The following S100A9 variants were observed in gnomAD, a reference collection of about 807,000 sequenced individuals.
The protein encoded by S100A9 is protein S100-A9.
S100A9 carries 2 observed loss-of-function variants against 4.3 expected under a neutral mutation model. That is an observed-to-expected ratio of 0.47 (90% CI 0.19 to 1.48). The LOEUF (loss-of-function observed/expected upper bound fraction) is 1.48, where lower values mean the gene tolerates loss of function less well. Ranked by LOEUF, S100A9 falls within the 40% of genes most tolerant of loss-of-function variation. The pLI is 0.24. For synonymous variants in S100A9, 67 were observed against 54.0 expected, an observed-to-expected ratio of 1.24 and a Z score of -1.06; for missense variants, 130 against 144.4, an observed-to-expected ratio of 0.90 and a Z score of 0.51.
rs772178503 is a variant in S100A9 at position 153,360,631 on chromosome 1, T to C, written c.151-13T>C. 1.6e-5 allele frequency: 26 copies of C among 1,587,178 alleles called. No individual in the cohort carries two copies. In the East Asian group the frequency reaches 5.4e-4, roughly 33 times the overall value. Reference sequence around the variant, plus strand: ...CACACCCAGCTCTCACAGCCTTCTCTCCCCACCCGCAGAAGGAGAATAAGA... The same window carrying C: ...CACACCCAGCTCTCACAGCCTTCTCCCCCCACCCGCAGAAGGAGAATAAGA... On this transcript the variant is annotated splice_polypyrimidine_tract_variant and intron_variant, in intron 2 of 2. Coordinates refer to ENST00000368738, the MANE Select transcript of S100A9 (RefSeq NM_002965.4).
chr1:153,360,463 G>C (rs192136275), intron 2 of S100A9, among the ~76,000 whole-genome samples, 181 bp from the exon 3 acceptor site: 98 of 152,256 alleles, frequency 6.4e-4, no homozygotes, highest in African/African-American at 1.7e-3. Context: ...ACTGGAGAGC[G>C]TTTGGTATGT....
intron 2 of S100A9, among the ~76,000 whole-genome samples, chr1:153,359,807 G>A (rs1292283124): frequency 6.7e-6 from 1 of 149,444 alleles, no homozygotes; most frequent in Non-Finnish European, 1.5e-5. Flanking sequence ...TCCTGCTTCA[G>A]CCTCCAGAAT....
rs1661441784 is a variant in S100A9, at chr1:153,360,971, C to T, written c.*133C>T. ...GGGCCCCGGGGCCTGTTATGTCAAA[C>T]TGTCTTGGCTGTGGGGCTAGGGGCT... On this transcript the variant is annotated 3_prime_UTR_variant, in exon 3 of 3. Coordinates refer to ENST00000368738, the MANE Select transcript of S100A9 (RefSeq NM_002965.4). The T allele has an allele frequency of 1.5e-6, 1 of 662,224 alleles. No individual in the cohort carries two copies. Among genetic ancestry groups the T allele is most frequent in the South Asian group, 2.0e-5 (1 of 50,690 alleles). The allele number at this position is 662,224 out of a possible 1,614,324, so 41.0% of individuals were successfully genotyped here. A position where few individuals can be genotyped will look rare whatever the true frequency, so the allele number is the denominator to read the frequency against.
Sources: allele counts gnomAD v4.1 joint callset (sites outside exome capture counted in the v4.1 genomes callset), GRCh38; gene constraint gnomAD v4.1.1; transcripts MANE v1.5; gene names NCBI Gene and HGNC (gene_info 2026-07-23, HGNC 2026-07-21).